LAMA1: variants seen among roughly 807,000 people sequenced by gnomAD.
The protein encoded by LAMA1 is laminin subunit alpha 1.
In LAMA1, 219 loss-of-function variants were observed where a neutral mutation model predicts 348.7. The ratio of observed to expected loss-of-function variants is 0.63; its 90% CI spans 0.56 to 0.70. The LOEUF is 0.70. Among genes scored for constraint, LAMA1 ranks in the 30% least tolerant of loss-of-function variants. The pLI is 0.00. For synonymous variants in LAMA1, 1,487 were observed against 1,491.0 expected, an observed-to-expected ratio of 1.00 and a Z score of 0.06; for missense variants, 3,744 against 3,888.0, an observed-to-expected ratio of 0.96 and a Z score of 0.99.
chr18:7,032,956 GA>G (rs770511960), intron 15 of LAMA1, 27 bp downstream of exon 15: 3 of 1,533,200 alleles, frequency 2.0e-6, no homozygotes, highest in East Asian at 2.3e-5. Flanking sequence ...GGAACGAAAG[GA>G]AAAAGACAGG....
chr18:7,052,321 C>A (rs1333213641), intron 3 of LAMA1, among the ~76,000 whole-genome samples: 1 of 151,970 alleles, frequency 6.6e-6, no homozygotes, highest in Non-Finnish European at 1.5e-5. Flanking sequence ...GTCCCCACTA[C>A]TCAGGAGGCT....
intron 12 of LAMA1, 152 bp downstream of exon 12, chr18:7,037,426 T>G (rs184585888): frequency 1.3e-5 from 11 of 825,076 alleles, no homozygotes; most frequent in East Asian, 7.6e-5. Flanking sequence ...GAAAACCTTC[T>G]TTGTATCATC....
intron 1 of LAMA1, among the ~76,000 whole-genome samples, chr18:7,110,227 G>A (rs983241984): frequency 1.3e-5 from 2 of 151,034 alleles, no homozygotes; most frequent in Admixed American, 1.3e-4. Context: ...CACTATAGCA[G>A]CTGGTTTAGA....
At chr18:6,960,531 A>C (rs1490485889) in intron 53 of LAMA1, 1 of 151,704 alleles carries the variant, frequency 6.6e-6, no homozygotes, top group Admixed American at 6.6e-5. Context: ...GGAGTGACTA[A>C]TTAATGGCAT....
At chr18:6,968,243 C>A (rs1384450226) in intron 48 of LAMA1, among the ~76,000 whole-genome samples, 1 of 152,196 alleles carries the variant, frequency 6.6e-6, no homozygotes, top group Non-Finnish European at 1.5e-5. Flanking sequence ...CCCTCCCCAG[C>A]GCTCAGCCCC....
chr18:7,008,977 T>C lies in LAMA1; in HGVS notation c.4001+262A>G, dbSNP rs990241350. ...CAGTTTTCATGTGCAGAAACAGCAA[T>C]TGTTTTTTTTGCATTTTATCTTCAG... On this transcript the variant is annotated intron_variant, in intron 27 of 62. Coordinates refer to ENST00000389658, the MANE Select transcript of LAMA1 (RefSeq NM_005559.4). 2.0e-5 allele frequency among the ~76,000 whole-genome samples: 3 copies of C among 152,264 alleles called. No individual in the cohort carries two copies. The East Asian group carries it at 5.8e-4, about 29-fold the overall frequency.
In LAMA1 at chr18:6,985,339, T is replaced by C. The variant is rs765802295; in HGVS notation, c.5558A>G (p.Asp1853Gly). The C allele has an allele frequency of 3.0e-5, 49 of 1,614,242 alleles. No homozygotes were observed. Among genetic ancestry groups the C allele is most frequent in the Non-Finnish European group, 3.4e-5 (40 of 1,180,046 alleles). Residue 1853 changes from aspartate to glycine, a missense_variant, in exon 39 of 63, where the codon GAT (aspartate) becomes GGT (glycine). Coordinates refer to ENST00000389658, the MANE Select transcript of LAMA1 (RefSeq NM_005559.4). ...TTGGGACATGTGCATGACCAGGTCA[T>C]CTATGTGGTGCCTGATTTTGGCAGA... Reference protein sequence around the residue: ...LWSAKIRHHIDDLVMHMSQRN... With the variant: ...LWSAKIRHHIGDLVMHMSQRN...
At chr18:6,988,418 G>A (rs982931585) in intron 36 of LAMA1, among the ~76,000 whole-genome samples, 10 of 152,178 alleles carry the variant, frequency 6.6e-5, no homozygotes, top group African/African-American at 1.7e-4. Context: ...GCTGATGTGC[G>A]TCAGCGTACT....
chr18:6,978,504 CTG>C (rs2057693681), intron 42 of LAMA1, 126 bp from the exon 43 acceptor site: 2 of 931,434 alleles, frequency 2.1e-6, no homozygotes, highest in Non-Finnish European at 3.3e-6. Flanking sequence ...TGAACACAAA[CTG>C]AGGCTTGTCT....
chr18:7,090,109 T>G (rs1402734763), intron 1 of LAMA1, among the ~76,000 whole-genome samples: 1 of 152,204 alleles, frequency 6.6e-6, no homozygotes, highest in African/African-American at 2.4e-5. Flanking sequence ...CTGGGAAACC[T>G]GCCACCAAAC....
chr18:7,112,803 T>C (rs1244646462), intron 1 of LAMA1, among the ~76,000 whole-genome samples: 10 of 151,858 alleles, frequency 6.6e-5, no homozygotes, highest in African/African-American at 2.4e-4. Flanking sequence ...GCCTGGCTAA[T>C]TTTGTATTTT....
At chr18:7,109,784 C>G (rs1021293699) in intron 1 of LAMA1, among the ~76,000 whole-genome samples, 7 of 140,380 alleles carry the variant, frequency 5.0e-5, no homozygotes, top group African/African-American at 2.0e-4. Context: ...TGGGCAGGAG[C>G]AGAGGGAGAA....
chr18:6,988,808 TAAAAA>T (rs1169877701), intron 36 of LAMA1, among the ~76,000 whole-genome samples: 1 of 100,474 alleles, frequency 1.0e-5, no homozygotes, highest in Non-Finnish European at 1.9e-5. Context: ...TCCGTCTCAA[TAAAAA>T]AAAAAAAAAA....
intron 1 of LAMA1, among the ~76,000 whole-genome samples, chr18:7,112,194 C>A (rs1166469147): frequency 2.0e-5 from 3 of 152,180 alleles, no homozygotes; most frequent in Non-Finnish European, 4.4e-5. Context: ...CTAGGAAACA[C>A]TGCTCTAACA....
At chr18:7,114,802 T>C (rs1321245976) in intron 1 of LAMA1, among the ~76,000 whole-genome samples, 1 of 152,178 alleles carries the variant, frequency 6.6e-6, no homozygotes, top group Non-Finnish European at 1.5e-5. Flanking sequence ...TAGTATAAAA[T>C]GGTAGGGCAT....
chr18:6,951,266 C>A (rs2057545464), intron 57 of LAMA1, among the ~76,000 whole-genome samples: 1 of 152,182 alleles, frequency 6.6e-6, no homozygotes. Context: ...CCTGTAGAGG[C>A]CAACCAGTGG....
intron 1 of LAMA1, among the ~76,000 whole-genome samples, chr18:7,115,873 T>C (rs1289340991): frequency 6.8e-6 from 1 of 147,690 alleles, no homozygotes; most frequent in African/African-American, 2.5e-5. Context: ...TCCCAGCTAC[T>C]CGGGAGGCTG....
chr18:7,068,336 C>G (rs977974675), intron 3 of LAMA1, among the ~76,000 whole-genome samples: 5 of 152,204 alleles, frequency 3.3e-5, no homozygotes, highest in Non-Finnish European at 5.9e-5. Flanking sequence ...CTGCTAATAA[C>G]CAACATACTG....
intron 57 of LAMA1, chr18:6,954,872 A>G: frequency 4.3e-6 from 1 of 230,232 alleles, no homozygotes; most frequent in Non-Finnish European, 8.6e-6. Flanking sequence ...CCCAAGCTCC[A>G]GGCCTTGAGA....
Sources: allele counts gnomAD v4.1 joint callset (sites outside exome capture counted in the v4.1 genomes callset), GRCh38; gene constraint gnomAD v4.1.1; transcripts MANE v1.5; gene names NCBI Gene and HGNC (gene_info 2026-07-23, HGNC 2026-07-21).